The following PDZD8 variants were observed in gnomAD, a reference collection of about 807,000 sequenced individuals.
The protein encoded by PDZD8 is PDZ domain-containing protein 8.
A neutral mutation model predicts 85.8 loss-of-function variants in PDZD8; 14 were observed. The ratio of observed to expected loss-of-function variants is 0.16; its 90% CI spans 0.11 to 0.26. The LOEUF is 0.26. PDZD8 is among the 10% of genes least tolerant of loss of function. The pLI, the probability that PDZD8 is intolerant of heterozygous loss-of-function variation, is 1.00. For missense variants in PDZD8, 1,197 were observed against 1,424.3 expected, an observed-to-expected ratio of 0.84 and a Z score of 2.57; for synonymous variants, 592 against 568.6, an observed-to-expected ratio of 1.04 and a Z score of -0.59.
chr10:117,303,145 C>T (rs1843876300), intron 3 of PDZD8, among the ~76,000 whole-genome samples: 1 of 152,142 alleles, frequency 6.6e-6, no homozygotes, highest in African/African-American at 2.4e-5. Context: ...TTGGAACTTC[C>T]TAGAAACTTG....
intron 1 of PDZD8, among the ~76,000 whole-genome samples, chr10:117,355,395 A>G (rs1844876780): frequency 6.6e-6 from 1 of 152,208 alleles, no homozygotes; most frequent in Non-Finnish European, 1.5e-5. Context: ...CTATTTATGT[A>G]TCTGTCTCCA....
At chr10:117,361,173 C>G (rs545861462) in intron 1 of PDZD8, among the ~76,000 whole-genome samples, 1 of 152,190 alleles carries the variant, frequency 6.6e-6, no homozygotes, top group African/African-American at 2.4e-5. Flanking sequence ...AGACTGCCAA[C>G]CCCTCAAAGG....
intron 3 of PDZD8, among the ~76,000 whole-genome samples, chr10:117,313,765 CA>C (rs34395004): frequency 0.77 from 116,720 of 151,924 alleles, 45,497 homozygotes; most frequent in Non-Finnish European, 0.85. Flanking sequence ...TTTTCCTTTA[CA>C]CTAAGTCTTT....
intron 1 of PDZD8, among the ~76,000 whole-genome samples, chr10:117,341,440 C>A (rs1365990496): frequency 6.6e-6 from 1 of 152,136 alleles, no homozygotes; most frequent in African/African-American, 2.4e-5. Flanking sequence ...GGTACAAGAT[C>A]AAAATTCAGA....
chr10:117,336,264 T>C (rs1844513926), intron 2 of PDZD8, among the ~76,000 whole-genome samples: 2 of 152,158 alleles, frequency 1.3e-5, no homozygotes, highest in African/African-American at 2.4e-5. Flanking sequence ...TCTGGAGCAT[T>C]TGGGATTTCA....
Position 117,375,046 on chromosome 10 carries a change from T to A in PDZD8, c.182A>T (p.Tyr61Phe). 1 of 1,597,636 alleles carries A rather than the reference T, an allele frequency of 6.3e-7. No individual in the cohort carries two copies. The highest frequency in any genetic ancestry group is 8.5e-7 in the Non-Finnish European group (1 of 1,173,672). ...GGGCTCCTCATCCCGGCCGCCGCCA[T>A]AAAGGTACTCCCTTAGGAGCAGGCC... ...VPGLLLREYLYGGGRDEEPSG... is the reference protein window; with the variant it reads ...VPGLLLREYLFGGGRDEEPSG... The change falls in exon 1 of 5, where the codon TAT becomes TTT. Residue 61 changes from tyrosine (Y) to phenylalanine (F), a missense_variant. This residue lies in a region of PDZD8 where 172 missense variants were observed against 137.8 expected (regional missense o/e 1.25). Coordinates refer to ENST00000334464, the MANE Select transcript of PDZD8 (RefSeq NM_173791.5).
intron 3 of PDZD8, 105 bp from the exon 4 acceptor site, chr10:117,290,453 C>A (rs1565018428): frequency 1.3e-6 from 1 of 758,112 alleles, no homozygotes; most frequent in East Asian, 2.9e-5. Flanking sequence ...ATGGCTGATG[C>A]TGACTTTTCT....
chr10:117,294,252 A>G (rs530996670), intron 3 of PDZD8, among the ~76,000 whole-genome samples: 23 of 152,004 alleles, frequency 1.5e-4, no homozygotes, highest in Non-Finnish European at 2.6e-4. Context: ...AAAACTGGTA[A>G]GCCTATAGGC....
intron 2 of PDZD8, among the ~76,000 whole-genome samples, chr10:117,325,429 G>A (rs1336384566): frequency 8.0e-4 from 9 of 11,218 alleles, no homozygotes; most frequent in Non-Finnish European, 3.2e-3. Context: ...TTGAGACAGA[G>A]TCTAGCTCTG....
intron 1 of PDZD8, among the ~76,000 whole-genome samples, chr10:117,369,227 C>T (rs927948576): frequency 2.0e-5 from 3 of 151,924 alleles, no homozygotes; most frequent in Non-Finnish European, 2.9e-5. Context: ...GGTATGATCT[C>T]GGCTTGCAGC....
chr10:117,363,278 C>A (rs534353063), intron 1 of PDZD8, among the ~76,000 whole-genome samples: 1 of 152,038 alleles, frequency 6.6e-6, no homozygotes, highest in East Asian at 1.9e-4. Flanking sequence ...GTATGAAAGA[C>A]TATTGTGTAA....
chr10:117,335,298 A>G (rs1369655240), intron 2 of PDZD8, among the ~76,000 whole-genome samples: 1 of 152,238 alleles, frequency 6.6e-6, no homozygotes, highest in Non-Finnish European at 1.5e-5. Context: ...GCAGACCTAC[A>G]TAACAAGAAG....
chr10:117,341,024 T>C lies in PDZD8; in HGVS notation c.951A>G (p.Ala317=). 1 of 1,613,982 alleles carries C rather than the reference T, an allele frequency of 6.2e-7. No homozygotes were observed. Among genetic ancestry groups the C allele is most frequent in the Non-Finnish European group, 8.5e-7 (1 of 1,179,862 alleles). ...DEEHIHIQQW[A]LTEGRLKVTL... is the part of the protein sequence containing the mutation. ...TAACTTTAAGACGGCCTTCAGTAAG[T>C]GCCCATTGTTGTATATGGATATGCT... Residue 317 remains alanine (A), a synonymous_variant, in exon 2 of 5, where the codon GCA becomes GCG. Transcript: ENST00000334464.
intron 3 of PDZD8, among the ~76,000 whole-genome samples, chr10:117,316,519 A>G (rs1844131858): frequency 6.6e-6 from 1 of 152,086 alleles, no homozygotes; most frequent in African/African-American, 2.4e-5. Context: ...CCAAAAAAAT[A>G]AAAATTAAAA....
At chr10:117,293,666 A>G (rs1843705715) in intron 3 of PDZD8, among the ~76,000 whole-genome samples, 1 of 152,132 alleles carries the variant, frequency 6.6e-6, no homozygotes, top group African/African-American at 2.4e-5. Context: ...AGCAACCAAT[A>G]TAACTAGAAA....
At chr10:117,373,604 CAAAAAAAAA>C (rs796930758) in intron 1 of PDZD8, among the ~76,000 whole-genome samples, 126 of 52,436 alleles carry the variant, frequency 2.4e-3, no homozygotes, top group East Asian at 7.1e-3. Flanking sequence ...CTAAAAAATA[CAAAAAAAAA>C]AAAAAAAAAA....
chr10:117,306,380 C>A (rs1843943715), intron 3 of PDZD8, among the ~76,000 whole-genome samples: 1 of 152,158 alleles, frequency 6.6e-6, no homozygotes, highest in Non-Finnish European at 1.5e-5. Flanking sequence ...TTCTTCTTTT[C>A]TCTCTCTTTT....
intron 2 of PDZD8, among the ~76,000 whole-genome samples, chr10:117,338,328 A>C (rs1361713846): frequency 6.6e-6 from 1 of 152,208 alleles, no homozygotes; most frequent in Non-Finnish European, 1.5e-5. Flanking sequence ...GATTTGTAAA[A>C]ATGGCACAAG....
intron 2 of PDZD8, 70 bp downstream of exon 2, chr10:117,340,910 A>T: frequency 1.3e-6 from 2 of 1,547,322 alleles, no homozygotes; most frequent in Non-Finnish European, 1.8e-6. Flanking sequence ...CACAACACAA[A>T]TACTGCTTAG....
Sources: gnomAD v4.1 joint callset for allele counts (sites outside exome capture counted in the v4.1 genomes callset) on GRCh38, gnomAD v4.1.1 for gene constraint, gnomAD v4.1.1 regional missense constraint, MANE v1.5 for transcripts, NCBI Gene and HGNC (gene_info 2026-07-23, HGNC 2026-07-21) for gene names.